Variants in DENND5B observed in about 807,000 individuals in gnomAD.
The protein encoded by DENND5B is DENN domain-containing protein 5B.
DENND5B carries 34 observed loss-of-function variants against 140.6 expected under a neutral mutation model. That is an observed-to-expected ratio of 0.24 (90% CI 0.18 to 0.32). The LOEUF is 0.32. DENND5B is among the 10% of genes least tolerant of loss of function. The pLI, the probability that DENND5B is intolerant of heterozygous loss-of-function variation, is 1.00. For missense variants in DENND5B, 1,142 were observed against 1,560.2 expected, an observed-to-expected ratio of 0.73 and a Z score of 4.52; for synonymous variants, 551 against 562.1, an observed-to-expected ratio of 0.98 and a Z score of 0.28.
At chr12:31,464,558 CTTTT>C (rs1184600197) in intron 3 of DENND5B, among the ~76,000 whole-genome samples, 2 of 151,954 alleles carry the variant, frequency 1.3e-5, no homozygotes, top group African/African-American at 2.4e-5. Flanking sequence ...ATGTATTTTT[CTTTT>C]TATTTATTTA....
At chr12:31,562,100 G>T (rs1341305762) in intron 1 of DENND5B, among the ~76,000 whole-genome samples, 1 of 152,110 alleles carries the variant, frequency 6.6e-6, no homozygotes, top group Admixed American at 6.6e-5. Flanking sequence ...CCCTATTTTA[G>T]AGATGATAAA....
intron 1 of DENND5B, among the ~76,000 whole-genome samples, chr12:31,517,626 C>A (rs1400558302): frequency 6.6e-6 from 1 of 152,202 alleles, no homozygotes; most frequent in East Asian, 1.9e-4. Flanking sequence ...TAAAAGAATT[C>A]ACCTCCCATA....
chr12:31,397,549 C>CAAA (rs1223481557), intron 17 of DENND5B, among the ~76,000 whole-genome samples: 23,373 of 48,538 alleles, frequency 0.48, 8,761 homozygotes, highest in East Asian at 0.74. Flanking sequence ...TTCCATCTCA[C>CAAA]AAAAAAAAAA....
At chr12:31,553,063 C>T (rs1949133686) in intron 1 of DENND5B, among the ~76,000 whole-genome samples, 2 of 152,124 alleles carry the variant, frequency 1.3e-5, no homozygotes, top group South Asian at 2.1e-4. Flanking sequence ...TCTATTTCCT[C>T]CAGTTCTGCT....
chr12:31,588,157 T>C (rs1461906856), intron 1 of DENND5B, among the ~76,000 whole-genome samples: 1 of 152,162 alleles, frequency 6.6e-6, no homozygotes, highest in Non-Finnish European at 1.5e-5. Context: ...CCACTCAGGG[T>C]CTTCGCACTT....
chr12:31,463,461 C>G (rs891804567), intron 3 of DENND5B, among the ~76,000 whole-genome samples: 40 of 152,104 alleles, frequency 2.6e-4, no homozygotes, highest in African/African-American at 9.4e-4. Context: ...ACCACAGTAT[C>G]TGACATATAA....
At chr12:31,575,608 A>G (rs1949983379) in intron 1 of DENND5B, among the ~76,000 whole-genome samples, 1 of 152,230 alleles carries the variant, frequency 6.6e-6, no homozygotes, top group Non-Finnish European at 1.5e-5. Context: ...AGAAAACTGA[A>G]CAGATACTGG....
At chr12:31,560,150 T>C (rs1035395246) in intron 1 of DENND5B, among the ~76,000 whole-genome samples, 2 of 152,166 alleles carry the variant, frequency 1.3e-5, no homozygotes, top group Admixed American at 6.6e-5. Context: ...TCCAGACTCA[T>C]ACGTCTAACT....
At chr12:31,500,359 C>A in intron 1 of DENND5B, 1 of 454,030 alleles carries the variant, frequency 2.2e-6, no homozygotes, top group African/African-American at 2.0e-5. Flanking sequence ...AAAAGTATGA[C>A]AGTAAGACTA....
At chr12:31,417,078 C>A (rs922798971) in intron 11 of DENND5B, among the ~76,000 whole-genome samples, 2 of 139,822 alleles carry the variant, frequency 1.4e-5, no homozygotes, top group Non-Finnish European at 3.1e-5. Flanking sequence ...AAAAAAAGGC[C>A]AGGCGCTGTG....
chr12:31,387,758 A>C lies in DENND5B; in HGVS notation c.3670T>G (p.Leu1224Val). ...GTGATGGCAGGACACTCAGCTAACA[A>C]TGGAATCCACTGTGGGAGCAGGCGA... ...RDRLLPQWIP[L>V]LAECPAITRM... The change falls in exon 21 of 21, where the codon TTG becomes GTG. Residue 1224 changes from leucine to valine, a missense_variant. Physicochemically the swap from Leu to Val is conservative, Grantham distance 32. Coordinates refer to ENST00000389082, the MANE Select transcript of DENND5B (RefSeq NM_144973.4). 1.2e-6 allele frequency: 2 copies of C among 1,613,944 alleles called. No individual in the cohort carries two copies. The highest frequency in any genetic ancestry group is 1.7e-6 in the Non-Finnish European group (2 of 1,179,882).
At chr12:31,458,819 T>C (rs1220889888) in intron 4 of DENND5B, among the ~76,000 whole-genome samples, 1 of 152,210 alleles carries the variant, frequency 6.6e-6, no homozygotes, top group Non-Finnish European at 1.5e-5. Flanking sequence ...AGTGATATAA[T>C]GTAATTAATC....
At chr12:31,491,496 GAC>G (rs1265590072) in intron 2 of DENND5B, among the ~76,000 whole-genome samples, 2 of 151,996 alleles carry the variant, frequency 1.3e-5, no homozygotes, top group African/African-American at 4.8e-5. Flanking sequence ...CAATCTGGGA[GAC>G]AGAGTGAGAC....
intron 1 of DENND5B, among the ~76,000 whole-genome samples, chr12:31,517,521 TAAAAG>T (rs1243549233): frequency 6.6e-6 from 1 of 152,206 alleles, no homozygotes; most frequent in Admixed American, 6.5e-5. Flanking sequence ...TATGAACTGA[TAAAAG>T]AAACAATCTC....
chr12:31,508,386 G>C (rs4931510), intron 1 of DENND5B, among the ~76,000 whole-genome samples: 20,428 of 152,156 alleles, frequency 0.13, 1,620 homozygotes, highest in Non-Finnish European at 0.18. Flanking sequence ...AATCAACAAA[G>C]TTCTCTAAAA....
At chr12:31,463,380 T>G (rs1945110700) in intron 3 of DENND5B, among the ~76,000 whole-genome samples, 1 of 152,228 alleles carries the variant, frequency 6.6e-6, no homozygotes, top group African/African-American at 2.4e-5. Context: ...GAAATCTCCT[T>G]AGATTCTGCT....
chr12:31,486,450 A>G (rs904316723), intron 2 of DENND5B, among the ~76,000 whole-genome samples: 1 of 152,216 alleles, frequency 6.6e-6, no homozygotes, highest in Non-Finnish European at 1.5e-5. Context: ...TTTTAGCAGG[A>G]GGAATGGAGT....
chr12:31,449,754 CAG>C (rs1944430341), intron 5 of DENND5B, among the ~76,000 whole-genome samples: 1 of 36,842 alleles, frequency 2.7e-5, no homozygotes, highest in Admixed American at 1.9e-4. Flanking sequence ...TTTTTTGAGA[CAG>C]AGTCTCGCTG....
At chr12:31,572,539 CA>C (rs10531167) in intron 1 of DENND5B, among the ~76,000 whole-genome samples, 22,030 of 134,412 alleles carry the variant, frequency 0.16, 1,474 homozygotes, top group Non-Finnish European at 0.2. Context: ...TACTCTTTCT[CA>C]AAAAAAAAAA....
Sources: allele counts gnomAD v4.1 joint callset (sites outside exome capture counted in the v4.1 genomes callset), GRCh38; gene constraint gnomAD v4.1.1; transcripts MANE v1.5; gene names NCBI Gene and HGNC (gene_info 2026-07-23, HGNC 2026-07-21).